SAXO4: variants seen among roughly 807,000 people sequenced by gnomAD.
SAXO4 encodes the protein stabilizer of axonemal microtubules 4, also known as protein phosphatase 1 regulatory subunit 32.
chr11:61,484,823 GGC>G, the SAXO4 span: 3 of 1,572,566 alleles, frequency 1.9e-6, no homozygotes, highest in South Asian at 3.5e-5. Flanking sequence ...ACATGTGAGT[GGC>G]AGCCCAGCTA....
At chr11:61,482,708 T>TGG in the SAXO4 span, 1 of 1,614,000 alleles carries the variant, frequency 6.2e-7, no homozygotes, top group Non-Finnish European at 8.5e-7. Flanking sequence ...TACCGCCCCC[T>TGG]GGAGGTGCCT....
chr11:61,483,739 C>T, the SAXO4 span, among the ~76,000 whole-genome samples: 7 of 151,928 alleles, frequency 4.6e-5, no homozygotes, highest in African/African-American at 1.7e-4. Flanking sequence ...AGGCAGATCA[C>T]TTGAGGTCAG....
the SAXO4 span, chr11:61,485,711 C>G: frequency 7.5e-5 from 75 of 1,001,390 alleles, 1 homozygote; most frequent in East Asian, 1.8e-3. Flanking sequence ...GGGATCCACT[C>G]CCTCTGCACC....
chr11:61,481,221 G>C, the SAXO4 span: 1 of 152,422 alleles, frequency 6.6e-6, no homozygotes, highest in South Asian at 2.1e-4. Context: ...GGAAAGGTGA[G>C]GGTGGGGCCG....
At chr11:61,490,216 G>A in the SAXO4 span, among the ~76,000 whole-genome samples, 1 of 152,180 alleles carries the variant, frequency 6.6e-6, no homozygotes, top group African/African-American at 2.4e-5. Flanking sequence ...CTGAGCAAGG[G>A]GCTCTGGGGT....
the SAXO4 span, chr11:61,482,501 C>T: frequency 3.3e-5 from 52 of 1,560,276 alleles, no homozygotes; most frequent in Non-Finnish European, 3.6e-5. Flanking sequence ...TGGATGGGGA[C>T]CCTGAGCTTT....
the SAXO4 span, among the ~76,000 whole-genome samples, chr11:61,481,432 A>G: frequency 6.6e-6 from 1 of 152,222 alleles, no homozygotes; most frequent in East Asian, 1.9e-4. Context: ...TGGGTATGTA[A>G]GGTTCAGGTC....
At chr11:61,490,583 T>TGGTAA in the SAXO4 span, 1 of 1,612,080 alleles carries the variant, frequency 6.2e-7, no homozygotes, top group Non-Finnish European at 8.5e-7. Flanking sequence ...CCTGAGCCCT[T>TGGTAA]GGTAAGGGGC....
the SAXO4 span, chr11:61,487,251 C>T: frequency 8.8e-5 from 142 of 1,609,712 alleles, no homozygotes; most frequent in Non-Finnish European, 1.2e-4. Flanking sequence ...GTGAGGTCCG[C>T]TTCCTGGTCC....
the SAXO4 span, chr11:61,486,596 A>T: frequency 6.2e-7 from 1 of 1,614,156 alleles, no homozygotes; most frequent in South Asian, 1.1e-5. Context: ...GAATGAAAGG[A>T]TTCTGAACCC....
chr11:61,487,150 C>G, the SAXO4 span: 3 of 1,614,080 alleles, frequency 1.9e-6, no homozygotes, highest in Non-Finnish European at 2.5e-6. Flanking sequence ...GTGCAGGAGC[C>G]CACAGGGTTC....
the SAXO4 span, chr11:61,486,247 C>A: frequency 7.6e-7 from 1 of 1,319,192 alleles, no homozygotes; most frequent in Non-Finnish European, 1.1e-6. Flanking sequence ...CTCCTCTGTG[C>A]TCAGCACAGC....
chr11:61,485,635 C>T, the SAXO4 span, among the ~76,000 whole-genome samples: 1,385 of 152,290 alleles, frequency 9.1e-3, 24 homozygotes, highest in African/African-American at 0.032. Flanking sequence ...TCCTGTCCTC[C>T]GGCCTGGACT....
chr11:61,485,413 C>G, the SAXO4 span: 1 of 1,610,354 alleles, frequency 6.2e-7, no homozygotes, highest in South Asian at 1.1e-5. Context: ...TAGGCCCTGT[C>G]TGAACTCACA....
the SAXO4 span, chr11:61,485,909 C>A: frequency 5.0e-6 from 8 of 1,610,904 alleles, no homozygotes; most frequent in Non-Finnish European, 6.8e-6. Flanking sequence ...CCCTGGGGAC[C>A]CTGTAAGTCG....
chr11:61,487,198 A>G, the SAXO4 span: 3 of 1,614,004 alleles, frequency 1.9e-6, no homozygotes, highest in Non-Finnish European at 2.5e-6. Flanking sequence ...AGCCCCTGTG[A>G]TCCTGACAGG....
chr11:61,485,313 C>T, the SAXO4 span: 2 of 1,610,990 alleles, frequency 1.2e-6, no homozygotes, highest in Non-Finnish European at 1.7e-6. Context: ...TCAGTGCCCC[C>T]ACTCCTCCAA....
At chr11:61,486,297 C>T in the SAXO4 span, 1 of 1,605,622 alleles carries the variant, frequency 6.2e-7, no homozygotes, top group South Asian at 1.1e-5. Flanking sequence ...CACCAGGGGC[C>T]CAGGCTGCCT....
At chr11:61,485,066 C>T in the SAXO4 span, among the ~76,000 whole-genome samples, 3 of 152,216 alleles carry the variant, frequency 2.0e-5, no homozygotes, top group Admixed American at 6.5e-5. Context: ...CACGGCCCCT[C>T]CTGGTCTCGG....
Sources: allele counts gnomAD v4.1 joint callset (sites outside exome capture counted in the v4.1 genomes callset), GRCh38; gene constraint gnomAD v4.1.1; transcripts MANE v1.5; gene names NCBI Gene and HGNC (gene_info 2026-07-23, HGNC 2026-07-21).